CLDN10: variants seen among roughly 807,000 people sequenced by gnomAD.
CLDN10 encodes claudin 10.
In CLDN10, 15 loss-of-function variants were observed where a neutral mutation model predicts 22.9. The ratio of observed to expected loss-of-function variants is 0.65; its 90% CI spans 0.44 to 1.01. The LOEUF (loss-of-function observed/expected upper bound fraction) is 1.01. Among genes scored for constraint, CLDN10 ranks in the 50% least tolerant of loss-of-function variants. CLDN10 has a pLI of 0.00. For missense variants in CLDN10, 247 were observed against 287.8 expected (o/e 0.86, Z 1.03); for synonymous variants, 114 against 111.4 (o/e 1.02, Z -0.15).
At chr13:95,573,222 C>T (rs1302495259) in intron 3 of CLDN10, among the ~76,000 whole-genome samples, 2 of 152,210 alleles carry the variant, frequency 1.3e-5, no homozygotes, top group African/African-American at 4.8e-5. Flanking sequence ...CACTCAGTGA[C>T]TTTATTAATG....
At chr13:95,574,603 C>G (rs890185155) in intron 3 of CLDN10, among the ~76,000 whole-genome samples, 1 of 152,024 alleles carries the variant, frequency 6.6e-6, no homozygotes, top group African/African-American at 2.4e-5. Flanking sequence ...AACCCTGTCT[C>G]TACTGAAAAT....
chr13:95,440,479 C>CAGCCT lies in CLDN10; in HGVS notation c.214+6433_214+6437dup, dbSNP rs1358245673. 3.9e-5 allele frequency among the ~76,000 whole-genome samples: 6 copies of CAGCCT among 152,128 alleles called. No homozygotes were observed. The East Asian group carries it at 1.2e-3, about 29-fold the overall frequency. On this transcript the variant is annotated intron_variant, in intron 1 of 4. Coordinates refer to the CLDN10 transcript ENST00000376873. ...TCACTTGAGCCAAGGAGTTCAAGACCAGCCTGGGCAACACAGGGAGACCTT... is the reference window on the plus strand; with the variant it reads ...TCACTTGAGCCAAGGAGTTCAAGACCAGCCTAGCCTGGGCAACACAGGGAGACCTT...
At position 95,533,389 on chromosome 13, in the gene CLDN10, T is replaced by C. The variant is rs375848422; in HGVS notation, c.215-26743T>C. Reference sequence around the variant, plus strand: ...TTTTATAAAGTTTTATGAGAAAATGTTGGGGAAAACAAAAGTAGATTTTTA... The same window carrying C: ...TTTTATAAAGTTTTATGAGAAAATGCTGGGGAAAACAAAAGTAGATTTTTA... On this transcript the variant is annotated intron_variant, in intron 1 of 4. Coordinates refer to the CLDN10 transcript ENST00000376873. Among the ~76,000 whole-genome samples the C allele has an allele frequency of 9.2e-5, 14 of 152,216 alleles. No individual in the cohort carries two copies. In the East Asian group the frequency reaches 2.3e-3, roughly 25 times the overall value.
At chr13:95,549,532 C>A (rs1179236809), upstream of CLDN10, among the ~76,000 whole-genome samples, 1 of 152,104 alleles carries the variant, frequency 6.6e-6, no homozygotes, top group Non-Finnish European at 1.5e-5. Context: ...ATTCTCCTGA[C>A]AAAACTAGCT....
intron 1 of CLDN10, among the ~76,000 whole-genome samples, chr13:95,509,777 C>T (rs1368105086): frequency 6.6e-6 from 1 of 152,090 alleles, no homozygotes; most frequent in Non-Finnish European, 1.5e-5. Flanking sequence ...TTGGTGGTTT[C>T]CTGCCACCAT....
intron 1 of CLDN10, among the ~76,000 whole-genome samples, chr13:95,440,062 C>T (rs1048165196): frequency 1.1e-4 from 17 of 152,030 alleles, no homozygotes; most frequent in East Asian, 3.9e-4. Flanking sequence ...TACAGGCTCG[C>T]GCCACCATGC....
At chr13:95,492,124 A>G (rs969830091) in intron 1 of CLDN10, among the ~76,000 whole-genome samples, 4 of 151,932 alleles carry the variant, frequency 2.6e-5, no homozygotes, top group African/African-American at 9.7e-5. Flanking sequence ...TTAATGCTCT[A>G]TTTTTGTGCT....
In CLDN10 at chr13:95,502,668, C is replaced by T. The variant is rs571614666; in HGVS notation, c.215-57464C>T. 2.8e-4 allele frequency among the ~76,000 whole-genome samples: 43 copies of T among 152,190 alleles called. 1 individual carries two copies. The highest frequency in any genetic ancestry group is 4.9e-4 in the Non-Finnish European group (33 of 67,990). On this transcript the variant is annotated intron_variant, in intron 1 of 4. Coordinates refer to the CLDN10 transcript ENST00000376873. The stretch of plus-strand genomic sequence containing the variant: ...CCGACTAGCTGGGATTGCAGGAGCC[C>T]GCCACCACACCTGGCTAATTTTTGT...
chr13:95,525,890 C>A (rs1351993983), intron 1 of CLDN10, among the ~76,000 whole-genome samples: 1 of 152,000 alleles, frequency 6.6e-6, no homozygotes, highest in Non-Finnish European at 1.5e-5. Context: ...TAGCTTTGTG[C>A]GCCTGTACTT....
intron 1 of CLDN10, among the ~76,000 whole-genome samples, chr13:95,536,795 C>T (rs918606253): frequency 1.5e-4 from 3 of 20,622 alleles, no homozygotes; most frequent in African/African-American, 2.0e-4. Context: ...AAACTGCATG[C>T]CTTTTTAAAA....
At chr13:95,517,435 T>C (rs957002059) in intron 1 of CLDN10, among the ~76,000 whole-genome samples, 16 of 152,140 alleles carry the variant, frequency 1.1e-4, no homozygotes, top group Non-Finnish European at 1.8e-4. Flanking sequence ...TTGAATTAAA[T>C]ATTAAAAGCT....
chr13:95,482,655 T>A (rs116461984), intron 1 of CLDN10, among the ~76,000 whole-genome samples: 1,554 of 152,292 alleles, frequency 0.01, 25 homozygotes, highest in African/African-American at 0.035. Context: ...TTTATTCTCA[T>A]GATGTACTTA....
chr13:95,495,020 A>ATAATTAATTAAT (rs34849170), intron 1 of CLDN10, among the ~76,000 whole-genome samples: 3 of 147,792 alleles, frequency 2.0e-5, no homozygotes, highest in African/African-American at 7.5e-5. Context: ...TCCTTTCAAT[A>ATAATTAATTAAT]TAATTAATTA....
chr13:95,463,286 ATATATATATATATATATAT>A (rs780382839), intron 1 of CLDN10, among the ~76,000 whole-genome samples: 300 of 22,318 alleles, frequency 0.013, 17 homozygotes, highest in Non-Finnish European at 0.019. Flanking sequence ...CAAATGCTTA[ATATATATATATATATATAT>A]ATATATATAT....
intron 1 of CLDN10, among the ~76,000 whole-genome samples, chr13:95,542,543 G>A (rs891520271): frequency 8.5e-5 from 13 of 152,306 alleles, no homozygotes; most frequent in African/African-American, 2.6e-4. Flanking sequence ...AGAGTTAAAG[G>A]TCATAATCAT....
chr13:95,557,402 C>G (rs1392114736), intron 1 of CLDN10, among the ~76,000 whole-genome samples: 1 of 152,070 alleles, frequency 6.6e-6, no homozygotes, highest in African/African-American at 2.4e-5. Flanking sequence ...CATCTTGGCT[C>G]CAATCTGTGG....
chr13:95,501,179 A>G (rs186330187), intron 1 of CLDN10, among the ~76,000 whole-genome samples: 4 of 151,724 alleles, frequency 2.6e-5, no homozygotes, highest in African/African-American at 4.8e-5. Flanking sequence ...ACGCCTCGCT[A>G]ATTTTTGTAT....
chr13:95,463,105 T>C (rs1002702376), intron 1 of CLDN10, among the ~76,000 whole-genome samples: 5 of 151,792 alleles, frequency 3.3e-5, no homozygotes, highest in African/African-American at 9.7e-5. Context: ...CATCTCTCTA[T>C]AATAATATCC....
intron 1 of CLDN10, among the ~76,000 whole-genome samples, chr13:95,452,870 A>G (rs529905324): frequency 1.3e-5 from 2 of 152,306 alleles, no homozygotes; most frequent in African/African-American, 2.4e-5. Flanking sequence ...ATTATTTCCT[A>G]TCTGAATTAT....
Sources: allele counts gnomAD v4.1 joint callset (sites outside exome capture counted in the v4.1 genomes callset), GRCh38; gene constraint gnomAD v4.1.1; transcripts MANE v1.5; gene names NCBI Gene and HGNC (gene_info 2026-07-23, HGNC 2026-07-21).